The following ADAM17 variants were observed in gnomAD, a reference collection of about 807,000 sequenced individuals.
The protein encoded by ADAM17 is disintegrin and metalloproteinase domain-containing protein 17.
A neutral mutation model predicts 96.7 loss-of-function variants in ADAM17; 39 were observed. The observed-to-expected ratio is 0.40, with a 90% confidence interval of 0.31 to 0.53. The LOEUF (loss-of-function observed/expected upper bound fraction) is 0.53, where lower values mean the gene tolerates loss of function less well. Ranked by LOEUF, ADAM17 falls within the 20% of genes least tolerant of loss-of-function variation. ADAM17 has a pLI of 0.44. For synonymous variants in ADAM17, 344 were observed against 359.2 expected (o/e 0.96, Z 0.48); for missense variants, 777 against 1,013.2 (o/e 0.77, Z 3.17).
intron 6 of ADAM17, among the ~76,000 whole-genome samples, chr2:9,525,341 A>T (rs1389767240): frequency 3.3e-5 from 5 of 151,116 alleles, no homozygotes; most frequent in Non-Finnish European, 5.9e-5. Context: ...AAGGGAAGGG[A>T]AAGAAGTTGG....
At chr2:9,541,555 A>T (rs1665205942) in intron 2 of ADAM17, among the ~76,000 whole-genome samples, 1 of 151,666 alleles carries the variant, frequency 6.6e-6, no homozygotes, top group Non-Finnish European at 1.5e-5. Flanking sequence ...AAGAGCAAAA[A>T]CTCTGTCTCA....
intron 8 of ADAM17, among the ~76,000 whole-genome samples, chr2:9,519,261 G>A (rs1664204192): frequency 6.6e-6 from 1 of 152,152 alleles, no homozygotes; most frequent in Non-Finnish European, 1.5e-5. Context: ...GAGGAATGAA[G>A]TGTGGTTACA....
In ADAM17 at chr2:9,526,103, ATACT is replaced by A. The variant is rs1484428672; in HGVS notation, c.753+4_753+7del. 6.2e-7 allele frequency: 1 copy of A among 1,600,414 alleles called. No homozygotes were observed. The highest frequency in any genetic ancestry group is 8.5e-7 in the Non-Finnish European group (1 of 1,174,488). On this transcript the variant is annotated splice_donor_5th_base_variant and intron_variant, in intron 6 of 18. Coordinates refer to ENST00000310823, the MANE Select transcript of ADAM17 (RefSeq NM_003183.6). ...TTTCAATTACTCGATGCAATATCAAATACTTACTAAGTAATTTGTAGTTGTACTC... is the reference window on the plus strand; with the variant it reads ...TTTCAATTACTCGATGCAATATCAAATACTAAGTAATTTGTAGTTGTACTC...
At chr2:9,543,017 A>C (rs1665271875) in intron 2 of ADAM17, 136 bp downstream of exon 2, 8 of 1,157,912 alleles carry the variant, frequency 6.9e-6, no homozygotes, top group Non-Finnish European at 9.2e-6. Flanking sequence ...ATTTTAGAAT[A>C]AGCATTATAC....
In ADAM17 at chr2:9,502,293, G is replaced by A. The variant is rs775615832; in HGVS notation, c.1545-17C>T. The A allele has an allele frequency of 3.8e-6, 6 of 1,586,308 alleles. No homozygotes were observed. The highest frequency in any genetic ancestry group is 5.2e-6 in the Non-Finnish European group (6 of 1,156,068). ...TTCCTGTCACTGGAGAAGAACAGCAGACAGGAACAGAGCAATTCAAATTAT... is the reference window on the plus strand; with the variant it reads ...TTCCTGTCACTGGAGAAGAACAGCAAACAGGAACAGAGCAATTCAAATTAT... On this transcript the variant is annotated splice_polypyrimidine_tract_variant and intron_variant, in intron 12 of 18. Coordinates refer to ENST00000310823, the MANE Select transcript of ADAM17 (RefSeq NM_003183.6).
intron 16 of ADAM17, 55 bp downstream of exon 16, chr2:9,493,692 T>C (rs1053565458): frequency 8.2e-6 from 12 of 1,471,414 alleles, no homozygotes; most frequent in Admixed American, 3.4e-5. Context: ...ACTTTTCTAA[T>C]GTCATCACAG....
At chr2:9,511,506 A>C (rs1663740285) in intron 10 of ADAM17, among the ~76,000 whole-genome samples, 1 of 152,150 alleles carries the variant, frequency 6.6e-6, no homozygotes, top group Non-Finnish European at 1.5e-5. Flanking sequence ...TTATTTTCTC[A>C]ATGACTGAAT....
chr2:9,506,532 A>T (rs1345823945), intron 11 of ADAM17, among the ~76,000 whole-genome samples: 1 of 151,796 alleles, frequency 6.6e-6, no homozygotes, highest in Non-Finnish European at 1.5e-5. Context: ...ACGCCCAGCT[A>T]ATTTTTGTAT....
chr2:9,509,927 T>A, intron 11 of ADAM17, 52 bp downstream of exon 11: 1 of 1,601,706 alleles, frequency 6.2e-7, no homozygotes, highest in Non-Finnish European at 8.5e-7. Context: ...ATTATGATCA[T>A]TATACACAGC....
At chr2:9,540,639 A>G (rs1449054947) in intron 2 of ADAM17, among the ~76,000 whole-genome samples, 2 of 152,210 alleles carry the variant, frequency 1.3e-5, no homozygotes, top group Non-Finnish European at 2.9e-5. Flanking sequence ...TGCATTAAAA[A>G]TTTGCCTAAA....
intron 11 of ADAM17, among the ~76,000 whole-genome samples, chr2:9,506,016 C>G (rs1057020693): frequency 1.3e-5 from 2 of 152,296 alleles, no homozygotes; most frequent in African/African-American, 4.8e-5. Flanking sequence ...TACAGAACCA[C>G]TAGGATAACT....
In ADAM17 at chr2:9,490,262, T is replaced by G. The variant is rs1572868052; in HGVS notation, c.2390A>C (p.Asp797Ala). Reference protein sequence around the residue: ...TAAKSFEDLTDHPVTRSEKAA... With the variant: ...TAAKSFEDLTAHPVTRSEKAA... ...CTTTTCACTTCTGGTGACCGGATGG[T>G]CCGTGAGATCCTCAAATGACTTGGC... Residue 797 changes from aspartate to alanine, a missense_variant, in exon 19 of 19, where the codon GAC (aspartate) becomes GCC (alanine). Asp to Ala is a moderately radical substitution (Grantham distance 126). This residue lies in a region of ADAM17 where 197 missense variants were observed against 219.4 expected (regional missense o/e 0.90). Coordinates refer to ENST00000310823, the MANE Select transcript of ADAM17 (RefSeq NM_003183.6). 6.2e-7 allele frequency: 1 copy of G among 1,614,086 alleles called. No homozygotes were observed. Among genetic ancestry groups the G allele is most frequent in the Non-Finnish European group, 8.5e-7 (1 of 1,179,924 alleles).
chr2:9,512,343 A>G lies in ADAM17; in HGVS notation c.1192-2212T>C, dbSNP rs543147040. ...GGAAAGTTCTGGAAGACCAAAGAAA[A>G]TATGTCATGAAATCAAGCCATTAAG... is the stretch of plus-strand genomic sequence containing the variant. On this transcript the variant is annotated intron_variant, in intron 10 of 18. Transcript: ENST00000310823. 16 of 152,266 alleles carry G rather than the reference A, an allele frequency of 1.1e-4. No individual in the cohort carries two copies. The South Asian group carries it at 3.1e-3, about 30-fold the overall frequency. 9.4% of individuals were successfully genotyped at this position (152,266 alleles called of 1,614,324 possible).
intron 1 of ADAM17, among the ~76,000 whole-genome samples, chr2:9,544,211 C>T (rs1181943730): frequency 6.6e-6 from 1 of 152,148 alleles, no homozygotes; most frequent in East Asian, 1.9e-4. Context: ...ATCTGACAAT[C>T]TCTAATGAAA....
chr2:9,537,496 G>A (rs1485032396), intron 2 of ADAM17, among the ~76,000 whole-genome samples: 2 of 152,310 alleles, frequency 1.3e-5, no homozygotes, highest in Admixed American at 1.3e-4. Context: ...CACTTTGGGA[G>A]GTTGAGCTGG....
At chr2:9,504,572 C>T (rs1296028208) in intron 12 of ADAM17, among the ~76,000 whole-genome samples, 1 of 152,072 alleles carries the variant, frequency 6.6e-6, no homozygotes, top group Non-Finnish European at 1.5e-5. Flanking sequence ...GGAGACCATC[C>T]TGGCCACCGT....
At chr2:9,501,606 T>TATAG (rs1462981454) in intron 13 of ADAM17, among the ~76,000 whole-genome samples, 1 of 152,208 alleles carries the variant, frequency 6.6e-6, no homozygotes, top group Non-Finnish European at 1.5e-5. Context: ...GTGAAATACA[T>TATAG]ATAGATACAT....
rs375162225 is a variant in ADAM17 at position 9,521,312 on chromosome 2, C to T, written c.848G>A (p.Arg283His). 6 of 1,587,926 alleles carry T rather than the reference C, an allele frequency of 3.8e-6. No individual in the cohort carries two copies. Among genetic ancestry groups the T allele is most frequent in the African/African-American group, 2.7e-5 (2 of 74,128 alleles). ...TACCTCTTGTGGAGACTTGAGAATG[C>T]GAATCTATACTTAAAGAGATCATAT... ...KGYGIQIEQI[R>H]ILKSPQEVKP... Residue 283 changes from arginine (R) to histidine (H), a missense_variant, in exon 8 of 19, where the codon CGC (arginine) becomes CAC (histidine). Coordinates refer to ENST00000310823, the MANE Select transcript of ADAM17 (RefSeq NM_003183.6).
At chr2:9,526,733 T>A (rs1572938004) in intron 5 of ADAM17, among the ~76,000 whole-genome samples, 1 of 151,854 alleles carries the variant, frequency 6.6e-6, no homozygotes, top group East Asian at 1.9e-4. Context: ...GGTGCGGAGG[T>A]TGCAGTGAGC....
Sources: allele counts gnomAD v4.1 joint callset (sites outside exome capture counted in the v4.1 genomes callset), GRCh38; gene constraint gnomAD v4.1.1; regional missense constraint gnomAD v4.1.1; transcripts MANE v1.5; gene names NCBI Gene and HGNC (gene_info 2026-07-23, HGNC 2026-07-21).